The following ELMO1 variants were observed in gnomAD, a reference collection of about 807,000 sequenced individuals.
ELMO1 encodes the protein engulfment and cell motility protein 1.
Under a neutral mutation model 98.9 loss-of-function variants are expected in ELMO1, and 26 were observed. That is an observed-to-expected ratio of 0.26 (90% confidence interval 0.19 to 0.36). The LOEUF (loss-of-function observed/expected upper bound fraction) is 0.36. Ranked by LOEUF, ELMO1 falls within the 10% of genes least tolerant of loss-of-function variation. The pLI, the probability that ELMO1 is intolerant of heterozygous loss-of-function variation, is 1.00. For synonymous variants in ELMO1, 346 were observed against 346.0 expected, an observed-to-expected ratio of 1.00 and a Z score of 0.00; for missense variants, 627 against 935.2, an observed-to-expected ratio of 0.67 and a Z score of 4.30.
intron 16 of ELMO1, among the ~76,000 whole-genome samples, chr7:36,946,905 C>A (rs1787538276): frequency 6.6e-6 from 1 of 152,202 alleles, no homozygotes. Flanking sequence ...ATAGGCTCTT[C>A]AGCAAAATTT....
At chr7:37,134,814 G>A (rs908880887) in intron 13 of ELMO1, among the ~76,000 whole-genome samples, 2 of 152,174 alleles carry the variant, frequency 1.3e-5, no homozygotes, top group African/African-American at 4.8e-5. Context: ...CTCAGAAACA[G>A]AAAGTCAAAT....
chr7:36,989,616 A>G (rs1164239272), intron 16 of ELMO1, among the ~76,000 whole-genome samples: 1 of 152,252 alleles, frequency 6.6e-6, no homozygotes, highest in African/African-American at 2.4e-5. Flanking sequence ...CCATTACAAA[A>G]GACCATCTAT....
chr7:37,050,749 C>T (rs143256599), intron 15 of ELMO1, among the ~76,000 whole-genome samples: 11 of 149,836 alleles, frequency 7.3e-5, no homozygotes, highest in Middle Eastern at 3.5e-3. Context: ...ATGTGGTACA[C>T]CTTAAATACA....
chr7:36,877,927 G>T, intron 19 of ELMO1, 83 bp downstream of exon 19: 2 of 1,068,920 alleles, frequency 1.9e-6, no homozygotes, highest in East Asian at 2.4e-5. Flanking sequence ...TACTTAGGCT[G>T]ATAGTTCTGT....
chr7:36,866,645 A>G (rs2129037393), intron 20 of ELMO1, among the ~76,000 whole-genome samples: 1 of 152,316 alleles, frequency 6.6e-6, no homozygotes, highest in East Asian at 1.9e-4. Flanking sequence ...ACAGATGCCA[A>G]TGTCTCAGTT....
intron 4 of ELMO1, among the ~76,000 whole-genome samples, chr7:37,290,024 C>T (rs2130945635): frequency 6.6e-6 from 1 of 152,306 alleles, no homozygotes; most frequent in East Asian, 1.9e-4. Flanking sequence ...AGACAGTGAG[C>T]AATTGGGAAA....
chr7:37,124,799 T>C (rs1786375248), intron 14 of ELMO1, among the ~76,000 whole-genome samples: 1 of 152,078 alleles, frequency 6.6e-6, no homozygotes, highest in Non-Finnish European at 1.5e-5. Flanking sequence ...AAAGTTCATA[T>C]GGAACCAAAA....
intron 13 of ELMO1, among the ~76,000 whole-genome samples, chr7:37,153,416 A>T (rs750726995): frequency 6.6e-6 from 1 of 152,170 alleles, no homozygotes; most frequent in African/African-American, 2.4e-5. Context: ...ACCTGGAGGA[A>T]CGGTACACTC....
chr7:36,945,982 A>G (rs1443837297), intron 16 of ELMO1, among the ~76,000 whole-genome samples: 1 of 152,222 alleles, frequency 6.6e-6, no homozygotes, highest in Non-Finnish European at 1.5e-5. Context: ...GGTTATTGAA[A>G]TGACTGATCT....
chr7:37,128,900 T>C (rs985276877), intron 14 of ELMO1, among the ~76,000 whole-genome samples: 7 of 152,032 alleles, frequency 4.6e-5, no homozygotes, highest in Non-Finnish European at 7.4e-5. Flanking sequence ...AGTAAATACA[T>C]TTAAGGCTGT....
intron 7 of ELMO1, among the ~76,000 whole-genome samples, chr7:37,235,461 G>A (rs542387532): frequency 1.3e-5 from 2 of 152,264 alleles, no homozygotes; most frequent in African/African-American, 4.8e-5. Context: ...AACTAATAGT[G>A]GATATTTGGT....
At chr7:37,445,719 T>A (rs965704785) in intron 1 of ELMO1, among the ~76,000 whole-genome samples, 4 of 152,228 alleles carry the variant, frequency 2.6e-5, no homozygotes, top group African/African-American at 9.6e-5. Context: ...CTTTTATTTT[T>A]CTTCTCCTAG....
At chr7:37,216,523 C>T in intron 11 of ELMO1, 122 bp downstream of exon 11, 3 of 1,140,310 alleles carry the variant, frequency 2.6e-6, no homozygotes, top group Non-Finnish European at 3.9e-6. Context: ...ATTAGAGTTC[C>T]TACTGCTTCA....
chr7:36,933,617 C>T (rs991476533), intron 16 of ELMO1, among the ~76,000 whole-genome samples: 1 of 152,144 alleles, frequency 6.6e-6, no homozygotes, highest in Non-Finnish European at 1.5e-5. Context: ...CAACGCTTTC[C>T]TGCTAAGAGG....
chr7:37,074,507 T>A (rs956421444), intron 15 of ELMO1, among the ~76,000 whole-genome samples: 2 of 152,208 alleles, frequency 1.3e-5, no homozygotes, highest in Non-Finnish European at 2.9e-5. Context: ...CAGTAGGTAT[T>A]TGCCTAATAA....
chr7:37,287,983 C>CA (rs1025345330), intron 4 of ELMO1, among the ~76,000 whole-genome samples: 5 of 152,256 alleles, frequency 3.3e-5, no homozygotes, highest in Non-Finnish European at 7.4e-5. Context: ...TTGTTTGAGA[C>CA]AGAGTCTCAC....
intron 1 of ELMO1, among the ~76,000 whole-genome samples, chr7:37,425,843 A>G (rs1804674479): frequency 1.3e-5 from 2 of 152,222 alleles, no homozygotes; most frequent in Non-Finnish European, 2.9e-5. Context: ...ACGCTGATAT[A>G]CTGAGAACTT....
At chr7:37,280,578 G>A (rs1010883513) in intron 4 of ELMO1, among the ~76,000 whole-genome samples, 3 of 151,908 alleles carry the variant, frequency 2.0e-5, no homozygotes, top group Non-Finnish European at 4.4e-5. Context: ...TATAAAAATG[G>A]CCAAGAAACA....
At chr7:37,382,846 G>A (rs1286824943) in intron 1 of ELMO1, among the ~76,000 whole-genome samples, 1 of 151,818 alleles carries the variant, frequency 6.6e-6, no homozygotes, top group Non-Finnish European at 1.5e-5. Context: ...CATGCTGCAT[G>A]TACTAATAAA....
Sources: gnomAD v4.1 joint callset for allele counts (sites outside exome capture counted in the v4.1 genomes callset) on GRCh38, gnomAD v4.1.1 for gene constraint, MANE v1.5 for transcripts, NCBI Gene and HGNC (gene_info 2026-07-23, HGNC 2026-07-21) for gene names.